The following OSBPL10 variants were observed in gnomAD, a reference collection of about 807,000 sequenced individuals.
OSBPL10 encodes the protein oxysterol binding protein like 10, also known as oxysterol-binding protein-related protein 10.
A neutral mutation model predicts 81.7 loss-of-function variants in OSBPL10; 49 were observed. That is an observed-to-expected ratio of 0.60 (90% CI 0.48 to 0.76). OSBPL10 has a LOEUF of 0.76. OSBPL10 is among the 30% of genes least tolerant of loss of function. OSBPL10 has a pLI of 0.00. For synonymous variants in OSBPL10, 419 were observed against 383.6 expected (o/e 1.09, Z -1.08); for missense variants, 923 against 987.8 (o/e 0.93, Z 0.88).
At chr3:31,680,652 T>G (rs911184729) in intron 8 of OSBPL10, among the ~76,000 whole-genome samples, 1 of 152,086 alleles carries the variant, frequency 6.6e-6, no homozygotes, top group African/African-American at 2.4e-5. Context: ...GGTAAATAGG[T>G]AAGGATGGAT....
intron 11 of OSBPL10, chr3:31,663,346 C>A (rs1326700619): frequency 1.0e-5 from 10 of 985,656 alleles, no homozygotes; most frequent in Non-Finnish European, 1.2e-5. Context: ...CCAGCCCTCA[C>A]CGGCCTGCTC....
At chr3:31,677,862 A>C (rs903232319) in intron 8 of OSBPL10, among the ~76,000 whole-genome samples, 4 of 149,430 alleles carry the variant, frequency 2.7e-5, no homozygotes, top group African/African-American at 5.1e-5. Flanking sequence ...CGGGTGGATC[A>C]TGAGGTCAGG....
chr3:31,876,551 A>C (rs762473248), intron 2 of OSBPL10, 39 bp from the exon 3 acceptor site: 138 of 1,555,084 alleles, frequency 8.9e-5, no homozygotes, highest in Non-Finnish European at 1.2e-4. Flanking sequence ...GATTGCAGAG[A>C]TTGTTCCAAA....
Position 32,038,097 on chromosome 3 carries a change from T to C in OSBPL10, n.298+8394A>G, listed in dbSNP as rs375517399. On this transcript the variant is annotated intron_variant and non_coding_transcript_variant, in intron 2 of 3. Transcript: ENST00000479173. ...CCCTCGAGCCTTTGCAAAGTATGGC[T>C]TTCCACAGTCTTAGGAGGAAGCTAC... Among the ~76,000 whole-genome samples the C allele has an allele frequency of 3.3e-4, 51 of 152,322 alleles. 1 individual carries two copies. Among genetic ancestry groups the C allele is most frequent in the South Asian group, 1.2e-3 (6 of 4,822 alleles).
chr3:31,887,743 A>G (rs1695776787), intron 1 of OSBPL10, among the ~76,000 whole-genome samples: 1 of 152,198 alleles, frequency 6.6e-6, no homozygotes, highest in African/African-American at 2.4e-5. Flanking sequence ...CCTACAGCCA[A>G]AACCTTACAA....
chr3:31,902,249 C>T (rs1338252516), intron 1 of OSBPL10, among the ~76,000 whole-genome samples: 1 of 143,562 alleles, frequency 7.0e-6, no homozygotes, highest in Non-Finnish European at 1.5e-5. Flanking sequence ...GAGGCTGCTT[C>T]TTGTCAGTAT....
chr3:31,663,647 ATTC>A (rs1700118161), intron 11 of OSBPL10: 1 of 1,048,670 alleles, frequency 9.5e-7, no homozygotes, highest in African/African-American at 1.7e-5. Context: ...CTGAAAGGCA[ATTC>A]TTCATCAGTG....
chr3:31,918,569 G>A (rs1203528362), intron 1 of OSBPL10, among the ~76,000 whole-genome samples: 2 of 152,078 alleles, frequency 1.3e-5, no homozygotes, highest in African/African-American at 4.8e-5. Flanking sequence ...TCATCACTGG[G>A]ACCACTGCTG....
intron 4 of OSBPL10, chr3:31,794,701 C>T: frequency 3.4e-6 from 1 of 298,422 alleles, no homozygotes; most frequent in South Asian, 4.3e-5. Context: ...AAGAGAGTCT[C>T]AGGTCAGGAC....
intron 9 of OSBPL10, among the ~76,000 whole-genome samples, chr3:31,670,426 G>A (rs1700294540): frequency 6.6e-6 from 1 of 152,214 alleles, no homozygotes; most frequent in South Asian, 2.1e-4. Flanking sequence ...ATTGAGGATA[G>A]TGTAGCCAGC....
intron 4 of OSBPL10, among the ~76,000 whole-genome samples, chr3:31,787,624 C>A (rs908337826): frequency 4.6e-5 from 7 of 151,510 alleles, no homozygotes; most frequent in Non-Finnish European, 8.8e-5. Flanking sequence ...ATGATAATAA[C>A]CTAATCAATA....
chr3:31,812,739 A>AAAGAAAGAAAGAAAGAAAGAAAGG, intron 4 of OSBPL10, among the ~76,000 whole-genome samples: 1 of 20,996 alleles, frequency 4.8e-5, no homozygotes, highest in Non-Finnish European at 8.1e-5. Flanking sequence ...AGAAAGAAAG[A>AAAGAAAGAAAGAAAGAAAGAAAGG]AAGAAAGAAA....
chr3:31,743,106 T>TCTCAG (rs1697408259), intron 5 of OSBPL10, among the ~76,000 whole-genome samples: 1 of 140,748 alleles, frequency 7.1e-6, no homozygotes, highest in Non-Finnish European at 1.5e-5. Context: ...AGTGGTGCGA[T>TCTCAG]CTCAGCTCAC....
At chr3:31,906,011 A>G (rs1696401303) in intron 1 of OSBPL10, among the ~76,000 whole-genome samples, 1 of 152,132 alleles carries the variant, frequency 6.6e-6, no homozygotes, top group South Asian at 2.1e-4. Context: ...TGTAGAAGGA[A>G]TATGAGTTTG....
chr3:31,892,417 T>C (rs943877500), intron 1 of OSBPL10, among the ~76,000 whole-genome samples: 3 of 151,896 alleles, frequency 2.0e-5, no homozygotes, highest in Admixed American at 6.6e-5. Flanking sequence ...AGCTCCAAAG[T>C]AGGGAAAGGC....
chr3:31,922,072 G>A (rs1004778462), intron 1 of OSBPL10, among the ~76,000 whole-genome samples: 2 of 152,168 alleles, frequency 1.3e-5, no homozygotes, highest in Non-Finnish European at 2.9e-5. Context: ...AACTGTCATC[G>A]CAGTCAAGAG....
At chr3:31,920,344 G>A (rs1333977562) in intron 1 of OSBPL10, among the ~76,000 whole-genome samples, 1 of 152,170 alleles carries the variant, frequency 6.6e-6, no homozygotes. Flanking sequence ...GGGATCCTAG[G>A]AAAGAACCCA....
intron 1 of OSBPL10, among the ~76,000 whole-genome samples, chr3:32,067,514 G>C (rs60568934): frequency 6.6e-6 from 1 of 152,076 alleles, no homozygotes; most frequent in African/African-American, 2.4e-5. Flanking sequence ...CCTGTGACCT[G>C]CACATATACA....
chr3:31,897,244 T>C lies in OSBPL10; in HGVS notation c.282-17414A>G, dbSNP rs564510513. Among the ~76,000 whole-genome samples the C allele has an allele frequency of 8.5e-5, 13 of 152,164 alleles. No individual in the cohort carries two copies. The South Asian group carries it at 1.2e-3, about 15-fold the overall frequency. ...AGTTAGAAACCACTGATTGAAAATA[T>C]GGGGTTTGAAAAAGAAGAGCTTTGC... On this transcript the variant is annotated intron_variant, in intron 1 of 11. Transcript: ENST00000396556.
Sources: allele counts gnomAD v4.1 joint callset (sites outside exome capture counted in the v4.1 genomes callset), GRCh38; gene constraint gnomAD v4.1.1; transcripts MANE v1.5; gene names NCBI Gene and HGNC (gene_info 2026-07-23, HGNC 2026-07-21).